The following XPR1 variants were observed in gnomAD, a reference collection of about 807,000 sequenced individuals.
The protein encoded by XPR1 is solute carrier family 53 member 1.
Under a neutral mutation model 87.5 loss-of-function variants are expected in XPR1, and 28 were observed. That is an observed-to-expected ratio of 0.32 (90% CI 0.24 to 0.44). The LOEUF is 0.44. Ranked by LOEUF, XPR1 falls within the 20% of genes least tolerant of loss-of-function variation. The pLI is 1.00. For missense variants in XPR1, 559 were observed against 862.3 expected (o/e 0.65, Z 4.41); for synonymous variants, 300 against 306.1 (o/e 0.98, Z 0.21).
At chr1:180,753,429 C>A (rs1366795419) in intron 2 of XPR1, among the ~76,000 whole-genome samples, 1 of 152,000 alleles carries the variant, frequency 6.6e-6, no homozygotes, top group Non-Finnish European at 1.5e-5. Flanking sequence ...GGTGGTGCGC[C>A]TGTAGTCCCA....
At chr1:180,838,176 T>A (rs935840999) in intron 11 of XPR1, among the ~76,000 whole-genome samples, 1 of 152,206 alleles carries the variant, frequency 6.6e-6, no homozygotes, top group Admixed American at 6.5e-5. Context: ...TGTACTCTTA[T>A]AATCAAGTAA....
intron 2 of XPR1, among the ~76,000 whole-genome samples, chr1:180,719,328 G>A (rs968529020): frequency 2.7e-5 from 4 of 149,856 alleles, no homozygotes; most frequent in African/African-American, 5.1e-5. Context: ...AAACAATAAA[G>A]AAAAAAGTTG....
chr1:180,670,141 T>C (rs1656115857), intron 1 of XPR1, among the ~76,000 whole-genome samples: 1 of 152,226 alleles, frequency 6.6e-6, no homozygotes, highest in Admixed American at 6.5e-5. Flanking sequence ...CTAAAGTGTC[T>C]TGTAGAAGCT....
chr1:180,742,936 T>A (rs1356087907), intron 2 of XPR1, among the ~76,000 whole-genome samples: 1 of 152,098 alleles, frequency 6.6e-6, no homozygotes, highest in Non-Finnish European at 1.5e-5. Flanking sequence ...TTGATATTAA[T>A]AGTTTCATCT....
At chr1:180,834,590 T>G (rs1318311038) in intron 9 of XPR1, among the ~76,000 whole-genome samples, 1 of 152,178 alleles carries the variant, frequency 6.6e-6, no homozygotes, top group African/African-American at 2.4e-5. Context: ...CTTAACAATA[T>G]TTGGATTTTT....
intron 1 of XPR1, among the ~76,000 whole-genome samples, chr1:180,675,014 G>A (rs941866154): frequency 6.6e-6 from 1 of 152,060 alleles, no homozygotes; most frequent in African/African-American, 2.4e-5. Context: ...AGATTTTACT[G>A]TTATATGAGT....
chr1:180,713,924 G>A (rs1259934311), intron 2 of XPR1, among the ~76,000 whole-genome samples: 2 of 152,030 alleles, frequency 1.3e-5, no homozygotes, highest in Non-Finnish European at 2.9e-5. Context: ...TTTCATTAGT[G>A]CGGAAGAGTT....
chr1:180,789,912 G>A (rs1016059211), intron 3 of XPR1, among the ~76,000 whole-genome samples: 2 of 152,130 alleles, frequency 1.3e-5, no homozygotes, highest in African/African-American at 2.4e-5. Context: ...ATTTGTTGTT[G>A]CACCTGTAAC....
At chr1:180,754,485 G>A (rs534023753) in intron 2 of XPR1, among the ~76,000 whole-genome samples, 4 of 151,810 alleles carry the variant, frequency 2.6e-5, no homozygotes, top group African/African-American at 9.7e-5. Context: ...TTTTGAGACA[G>A]GGTCTCCCTG....
chr1:180,755,184 T>C (rs749125237), intron 2 of XPR1, among the ~76,000 whole-genome samples: 1 of 152,176 alleles, frequency 6.6e-6, no homozygotes, highest in Non-Finnish European at 1.5e-5. Flanking sequence ...TATGCTTAGC[T>C]CTGTCCACTG....
At chr1:180,666,620 A>T (rs759343073) in intron 1 of XPR1, among the ~76,000 whole-genome samples, 2 of 152,154 alleles carry the variant, frequency 1.3e-5, no homozygotes, top group Non-Finnish European at 2.9e-5. Flanking sequence ...GTTGGTTGTT[A>T]GTGTATAGAA....
intron 2 of XPR1, among the ~76,000 whole-genome samples, chr1:180,737,260 A>G (rs915705935): frequency 3.3e-5 from 5 of 152,174 alleles, no homozygotes; most frequent in African/African-American, 1.2e-4. Context: ...TTCCTACGTT[A>G]TGTAAGGGCA....
At chr1:180,808,055 A>G (rs570561292) in intron 6 of XPR1, among the ~76,000 whole-genome samples, 1 of 152,168 alleles carries the variant, frequency 6.6e-6, no homozygotes, top group Non-Finnish European at 1.5e-5. Flanking sequence ...GCAACTTTGG[A>G]ACATAAATTG....
intron 2 of XPR1, among the ~76,000 whole-genome samples, chr1:180,765,157 A>G (rs893097397): frequency 3.3e-5 from 5 of 152,174 alleles, no homozygotes; most frequent in South Asian, 2.1e-4. Context: ...AATCCTCGCA[A>G]CAGTGCTATG....
intron 2 of XPR1, among the ~76,000 whole-genome samples, chr1:180,727,345 G>A (rs1285491815): frequency 6.6e-6 from 1 of 152,076 alleles, no homozygotes; most frequent in East Asian, 1.9e-4. Context: ...ATAGAGCAAA[G>A]TGAAAGCAAG....
chr1:180,801,870 C>T (rs1029004328), intron 3 of XPR1, among the ~76,000 whole-genome samples: 5 of 151,024 alleles, frequency 3.3e-5, no homozygotes, highest in African/African-American at 9.7e-5. Flanking sequence ...AGCCTCTGCT[C>T]ACTGCAACCT....
intron 2 of XPR1, among the ~76,000 whole-genome samples, chr1:180,773,262 C>A (rs978876865): frequency 2.0e-5 from 3 of 151,962 alleles, no homozygotes; most frequent in Non-Finnish European, 2.9e-5. Flanking sequence ...AATGTTCAGA[C>A]GGGAGAACAA....
intron 5 of XPR1, 123 bp from the exon 6 acceptor site, chr1:180,806,351 C>CT: frequency 6.9e-7 from 1 of 1,449,996 alleles, no homozygotes; most frequent in South Asian, 1.4e-5. Context: ...TTTTCATTTT[C>CT]TTTATCAGTA....
chr1:180,833,133 G>C (rs910578684), intron 9 of XPR1, among the ~76,000 whole-genome samples: 1 of 152,102 alleles, frequency 6.6e-6, no homozygotes, highest in Non-Finnish European at 1.5e-5. Context: ...TTGTGAATGG[G>C]AGTTCACTCA....
Sources: gnomAD v4.1 joint callset for allele counts (sites outside exome capture counted in the v4.1 genomes callset) on GRCh38, gnomAD v4.1.1 for gene constraint, MANE v1.5 for transcripts, NCBI Gene and HGNC (gene_info 2026-07-23, HGNC 2026-07-21) for gene names.